PTPRD: variants seen among roughly 807,000 people sequenced by gnomAD.
PTPRD encodes receptor-type tyrosine-protein phosphatase delta.
A neutral mutation model predicts 214.5 loss-of-function variants in PTPRD; 34 were observed. The observed-to-expected ratio is 0.16, with a 90% CI of 0.12 to 0.21. The LOEUF (loss-of-function observed/expected upper bound fraction) is 0.21, where lower values mean the gene tolerates loss of function less well. Among genes scored for constraint, PTPRD ranks in the 10% least tolerant of loss-of-function variants. PTPRD has a pLI of 1.00. For synonymous variants in PTPRD, 1,128 were observed against 845.7 expected, an observed-to-expected ratio of 1.33 and a Z score of -5.79; for missense variants, 2,545 against 2,398.7, an observed-to-expected ratio of 1.06 and a Z score of -1.27.
At chr9:10,349,972 T>G (rs2097154597) in intron 2 of PTPRD, among the ~76,000 whole-genome samples, 3 of 152,200 alleles carry the variant, frequency 2.0e-5, no homozygotes, top group Admixed American at 2.0e-4. Context: ...GGATCCTTTT[T>G]GTTTTAAATA....
intron 44 of PTPRD, among the ~76,000 whole-genome samples, chr9:8,321,795 T>C (rs1828576375): frequency 6.6e-6 from 1 of 151,864 alleles, no homozygotes; most frequent in African/African-American, 2.4e-5. Flanking sequence ...CCATCTACTT[T>C]GTCTGAATAT....
chr9:8,454,740 C>T lies in PTPRD; in HGVS notation c.3876-4903G>A, dbSNP rs982026735. ...ACTGACATACATTCAGAAGCGACAG[C>T]GAATCAAAATATTTATAGACCTCTG... On this transcript the variant is annotated intron_variant, in intron 33 of 45. Coordinates refer to ENST00000381196, the MANE Select transcript of PTPRD (RefSeq NM_002839.4). 1.0e-5 allele frequency: 8 copies of T among 788,974 alleles called. 1 individual carries two copies. The Middle Eastern group carries it at 7.5e-4, about 74-fold the overall frequency. The allele number at this position is 788,974 out of a possible 1,614,324, so 48.9% of individuals were successfully genotyped here. A position where few individuals can be genotyped will look rare whatever the true frequency, so the allele number is the denominator to read the frequency against.
intron 3 of PTPRD, among the ~76,000 whole-genome samples, chr9:10,198,960 T>C (rs570555557): frequency 1.3e-5 from 2 of 152,214 alleles, no homozygotes; most frequent in South Asian, 2.1e-4. Flanking sequence ...GGTTCAAATT[T>C]TGCTAAGTGA....
At chr9:10,597,336 CA>C (rs2076857229) in intron 2 of PTPRD, among the ~76,000 whole-genome samples, 1 of 151,568 alleles carries the variant, frequency 6.6e-6, no homozygotes, top group Non-Finnish European at 1.5e-5. Context: ...TTTTATTTAT[CA>C]AAAGGAACTT....
chr9:8,939,889 T>C (rs1360975415), intron 11 of PTPRD, among the ~76,000 whole-genome samples: 4 of 152,052 alleles, frequency 2.6e-5, no homozygotes, highest in Non-Finnish European at 4.4e-5. Flanking sequence ...TTTATTTATT[T>C]ATTTTTCAAA....
At chr9:10,091,495 A>C (rs1419722778) in intron 3 of PTPRD, among the ~76,000 whole-genome samples, 1 of 151,560 alleles carries the variant, frequency 6.6e-6, no homozygotes, top group African/African-American at 2.4e-5. Flanking sequence ...TGAGATTATA[A>C]ATACTACTTC....
chr9:8,983,262 C>T (rs1472064340), intron 11 of PTPRD, among the ~76,000 whole-genome samples: 1 of 151,816 alleles, frequency 6.6e-6, no homozygotes, highest in East Asian at 1.9e-4. Flanking sequence ...GTTATTCTAG[C>T]TTGAAGAGAT....
In PTPRD at chr9:8,518,434, G is replaced by C; in HGVS notation, c.962-5C>G. 1 of 1,568,868 alleles carries C rather than the reference G, an allele frequency of 6.4e-7. No homozygotes were observed. The highest frequency in any genetic ancestry group is 8.6e-7 in the Non-Finnish European group (1 of 1,159,950). On this transcript the variant is annotated splice_region_variant and splice_polypyrimidine_tract_variant and intron_variant, in intron 20 of 45. Transcript: ENST00000381196. ...TTCCTGGAGGTTTGGGTAAGGCTTG[G>C]ATGGGGGAAGATAAAAGACAATGAC...
At chr9:10,173,772 G>T (rs901629525) in intron 3 of PTPRD, among the ~76,000 whole-genome samples, 1 of 151,732 alleles carries the variant, frequency 6.6e-6, no homozygotes, top group East Asian at 1.9e-4. Flanking sequence ...CTTTGTGTCT[G>T]ATGCTCTCAC....
In PTPRD at chr9:8,527,328, C is replaced by G; in HGVS notation, c.550+17G>C. 6.2e-7 allele frequency: 1 copy of G among 1,605,942 alleles called. No individual in the cohort carries two copies. Among genetic ancestry groups the G allele is most frequent in the Non-Finnish European group, 8.5e-7 (1 of 1,176,094 alleles). On this transcript the variant is annotated intron_variant, in intron 16 of 45. Transcript: ENST00000381196. ...AAATTAGTGGGGTTGAAGTGCGCTT[C>G]AGAACTAAGCACTTACCAATAGATT...
At chr9:9,173,052 C>CTG (rs2099922438) in intron 10 of PTPRD, among the ~76,000 whole-genome samples, 1 of 152,124 alleles carries the variant, frequency 6.6e-6, no homozygotes, top group East Asian at 1.9e-4. Context: ...TCTTTTCCTC[C>CTG]TGACTCTCCT....
chr9:10,473,677 C>T (rs2099045287), intron 2 of PTPRD, among the ~76,000 whole-genome samples: 1 of 152,036 alleles, frequency 6.6e-6, no homozygotes, highest in African/African-American at 2.4e-5. Context: ...CAAATCCCAC[C>T]ACTCCTTCCA....
At chr9:8,739,466 T>A (rs2091356358) in intron 11 of PTPRD, among the ~76,000 whole-genome samples, 1 of 152,232 alleles carries the variant, frequency 6.6e-6, no homozygotes. Flanking sequence ...AAAGTTTTTA[T>A]CTTATTAAAG....
At chr9:10,548,344 A>G (rs1566873477) in intron 2 of PTPRD, among the ~76,000 whole-genome samples, 1 of 152,092 alleles carries the variant, frequency 6.6e-6, no homozygotes, top group Admixed American at 6.6e-5. Context: ...ACAGAAGGAG[A>G]TACTCTCTGC....
At chr9:10,103,117 T>A (rs148018313) in intron 3 of PTPRD, among the ~76,000 whole-genome samples, 3 of 151,510 alleles carry the variant, frequency 2.0e-5, no homozygotes, top group Non-Finnish European at 4.4e-5. Context: ...AGACCTAGTA[T>A]AGCTGAGGGA....
At position 9,738,439 on chromosome 9, in the gene PTPRD, C is replaced by CTTTTTTTTTTTT. The variant is rs71319292; in HGVS notation, c.-325-3880_-325-3869dup. Among the ~76,000 whole-genome samples, 94 of 76,510 alleles carry CTTTTTTTTTTTT rather than the reference C, an allele frequency of 1.2e-3. 4 individuals are homozygous for CTTTTTTTTTTTT. Among genetic ancestry groups the CTTTTTTTTTTTT allele is most frequent in the African/African-American group, 2.0e-3 (32 of 15,718 alleles). The allele number at this position is 76,510 out of a possible 152,430, so 50.2% of individuals were successfully genotyped here. On this transcript the variant is annotated intron_variant, in intron 6 of 45. Coordinates refer to ENST00000381196, the MANE Select transcript of PTPRD (RefSeq NM_002839.4). ...TGTATTAAAATTCTTCACTCACTCA[C>CTTTTTTTTTTTT]TTTTTTTTTTTTTTTTTTTTTTGAG... is the stretch of plus-strand genomic sequence containing the variant.
intron 44 of PTPRD, among the ~76,000 whole-genome samples, chr9:8,330,006 A>AGGCACT (rs1397084354): frequency 6.6e-6 from 1 of 151,804 alleles, no homozygotes; most frequent in East Asian, 2.0e-4. Flanking sequence ...ACACCAAGCC[A>AGGCACT]GGCACTGGAG....
intron 3 of PTPRD, among the ~76,000 whole-genome samples, chr9:10,119,872 C>T (rs1563937781): frequency 1.3e-5 from 2 of 151,856 alleles, no homozygotes; most frequent in South Asian, 2.1e-4. Flanking sequence ...AATCAGAAAA[C>T]GTAGGAGGGC....
At chr9:9,614,137 A>G (rs537526080) in intron 7 of PTPRD, among the ~76,000 whole-genome samples, 4 of 151,542 alleles carry the variant, frequency 2.6e-5, no homozygotes, top group African/African-American at 9.6e-5. Flanking sequence ...TAATATACAT[A>G]TATTTATAAT....
Sources: allele counts gnomAD v4.1 joint callset (sites outside exome capture counted in the v4.1 genomes callset), GRCh38; gene constraint gnomAD v4.1.1; transcripts MANE v1.5; gene names NCBI Gene and HGNC (gene_info 2026-07-23, HGNC 2026-07-21).